Variants in FAM120A observed in about 807,000 individuals in gnomAD.
The protein encoded by FAM120A is family with sequence similarity 120 member A, also known as constitutive coactivator of PPAR-gamma-like protein 1.
A neutral mutation model predicts 109.7 loss-of-function variants in FAM120A; 15 were observed. That is an observed-to-expected ratio of 0.14 (90% CI 0.09 to 0.21). FAM120A has a LOEUF of 0.21. Among genes scored for constraint, FAM120A ranks in the 10% least tolerant of loss-of-function variants. FAM120A has a pLI of 1.00. For synonymous variants in FAM120A, 493 were observed against 572.8 expected (o/e 0.86, Z 1.99); for missense variants, 899 against 1,439.3 (o/e 0.62, Z 6.07).
chr9:93,484,825 C>T (rs141689000), intron 3 of FAM120A, among the ~76,000 whole-genome samples: 1,685 of 152,316 alleles, frequency 0.011, 12 homozygotes, highest in Non-Finnish European at 0.018. Context: ...CCACCCGCCT[C>T]GGCCTCCCCA....
In FAM120A at chr9:93,565,471, T is replaced by A. The variant is rs1244180626; in HGVS notation, c.*931T>A. The A allele has an allele frequency of 6.6e-6, 1 of 152,640 alleles. No individual in the cohort carries two copies. The highest frequency in any genetic ancestry group is 1.5e-5 in the Non-Finnish European group (1 of 68,042). The allele number at this position is 152,640 out of a possible 1,614,324, so 9.5% of individuals were successfully genotyped here. The stretch of plus-strand genomic sequence containing the variant: ...ATCAGTAATAGTCCTATAAAAGATG[T>A]TAACTCTGTTTAGTCATTGACTGAT... On this transcript the variant is annotated 3_prime_UTR_variant, in exon 18 of 18. Transcript: ENST00000277165.
chr9:93,464,812 C>T (rs918633619), intron 1 of FAM120A, among the ~76,000 whole-genome samples: 2 of 152,214 alleles, frequency 1.3e-5, no homozygotes, highest in African/African-American at 4.8e-5. Context: ...CTTTGAAGGG[C>T]TACCTGTAAG....
At chr9:93,529,913 G>T in intron 9 of FAM120A, 2 of 530,804 alleles carry the variant, frequency 3.8e-6, no homozygotes, top group Non-Finnish European at 6.6e-6. Context: ...CCATATTTGT[G>T]CTGTAATGTC....
At chr9:93,509,749 T>C (rs1588860072) in intron 5 of FAM120A, among the ~76,000 whole-genome samples, 1 of 152,170 alleles carries the variant, frequency 6.6e-6, no homozygotes, top group Non-Finnish European at 1.5e-5. Context: ...GAAGAAACAG[T>C]AGAATGAGTG....
At chr9:93,476,169 C>T in intron 2 of FAM120A, 87 bp from the exon 3 acceptor site, 1 of 827,990 alleles carries the variant, frequency 1.2e-6, no homozygotes, top group Non-Finnish European at 2.0e-6. Context: ...AAGTTTTCTA[C>T]TATAGGTGAC....
chr9:93,556,641 C>A, intron 13 of FAM120A, 50 bp downstream of exon 13: 1 of 1,522,954 alleles, frequency 6.6e-7, no homozygotes, highest in South Asian at 1.1e-5. Flanking sequence ...AAATAAAGCT[C>A]ACTGGTTAAA....
rs577236171 is a variant in FAM120A at position 93,482,132 on chromosome 9, T to C, written c.804+5794T>C. ...ATTATCTTTCCCTGAGGCACCCGTA[T>C]ACCGGGGGCAATCTATCAGGCTGTA... On this transcript the variant is annotated intron_variant, in intron 3 of 17. Coordinates refer to ENST00000277165, the MANE Select transcript of FAM120A (RefSeq NM_014612.5). Among the ~76,000 whole-genome samples the C allele has an allele frequency of 2.0e-5, 3 of 151,878 alleles. No individual in the cohort carries two copies. In the East Asian group the frequency reaches 5.8e-4, roughly 29 times the overall value.
intron 10 of FAM120A, among the ~76,000 whole-genome samples, chr9:93,541,802 G>C (rs1379577984): frequency 6.6e-6 from 1 of 152,218 alleles, no homozygotes; most frequent in African/African-American, 2.4e-5. Context: ...AGAGCCCTAT[G>C]AGGTCTTGAC....
At chr9:93,528,292 T>C (rs1861173892) in intron 8 of FAM120A, among the ~76,000 whole-genome samples, 1 of 152,212 alleles carries the variant, frequency 6.6e-6, no homozygotes, top group Non-Finnish European at 1.5e-5. Flanking sequence ...CTTTGTGTTT[T>C]AAAAAATAAA....
At position 93,471,105 on chromosome 9, in the gene FAM120A, C is replaced by G. The variant is rs748593975; in HGVS notation, c.475-36C>G. ...TATTGAGCTTGTTGCTACAGTGTTA[C>G]CCTACATCTGATGAAGTTTTTTTCT... is the stretch of plus-strand genomic sequence containing the variant. On this transcript the variant is annotated intron_variant, in intron 1 of 17. Coordinates refer to ENST00000277165, the MANE Select transcript of FAM120A (RefSeq NM_014612.5). 3.7e-6 allele frequency: 6 copies of G among 1,611,598 alleles called. No homozygotes were observed. The South Asian group carries it at 5.5e-5, about 15-fold the overall frequency.
intron 7 of FAM120A, among the ~76,000 whole-genome samples, chr9:93,524,934 G>A (rs529747062): frequency 3.3e-5 from 5 of 152,144 alleles, no homozygotes; most frequent in Non-Finnish European, 7.4e-5. Context: ...ATGGTTCCAG[G>A]TATCAGTTTA....
chr9:93,497,205 G>C (rs1467224850), intron 3 of FAM120A, among the ~76,000 whole-genome samples: 1 of 152,238 alleles, frequency 6.6e-6, no homozygotes, highest in Non-Finnish European at 1.5e-5. Flanking sequence ...AGAAGTGGTG[G>C]AAGACTGTCA....
At chr9:93,455,517 A>C (rs900032416) in intron 1 of FAM120A, among the ~76,000 whole-genome samples, 28 of 152,220 alleles carry the variant, frequency 1.8e-4, no homozygotes, top group African/African-American at 5.8e-4. Context: ...AGTAAAAACC[A>C]CTGGCAAAGG....
chr9:93,482,278 C>T (rs1435826867), intron 3 of FAM120A, among the ~76,000 whole-genome samples: 1 of 149,780 alleles, frequency 6.7e-6, no homozygotes, highest in African/African-American at 2.4e-5. Context: ...GCCTCTGCCT[C>T]CCGAGTTCAA....
At chr9:93,456,510 C>T (rs1857554518) in intron 1 of FAM120A, among the ~76,000 whole-genome samples, 1 of 152,164 alleles carries the variant, frequency 6.6e-6, no homozygotes, top group Non-Finnish European at 1.5e-5. Context: ...GATGGTCTCC[C>T]TTCATGTATA....
rs532474754 is a variant in FAM120A, at chr9:93,533,841, GT to G, written c.1909+1513del. Among the ~76,000 whole-genome samples the G allele has an allele frequency of 2.7e-3, 408 of 152,294 alleles. 2 individuals carry two copies. Among genetic ancestry groups the G allele is most frequent in the African/African-American group, 9.5e-3 (394 of 41,558 alleles). On this transcript the variant is annotated intron_variant, in intron 10 of 17. Transcript: ENST00000277165. Reference sequence around the variant, plus strand: ...TTCAGCGCACTGCAGTGGCTTCATGGTAGAAGGTATTCTTTTTTATTTGCTT... The same window carrying G: ...TTCAGCGCACTGCAGTGGCTTCATGGAGAAGGTATTCTTTTTTATTTGCTT...
At chr9:93,512,392 G>A (rs1860367170) in intron 5 of FAM120A, among the ~76,000 whole-genome samples, 1 of 152,212 alleles carries the variant, frequency 6.6e-6, no homozygotes, top group Non-Finnish European at 1.5e-5. Context: ...TCATACAGCC[G>A]AGGGATTGCA....
chr9:93,476,041 G>C (rs1163877948), intron 2 of FAM120A, among the ~76,000 whole-genome samples: 1 of 152,164 alleles, frequency 6.6e-6, no homozygotes, highest in Non-Finnish European at 1.5e-5. Context: ...TTCTTAGGTT[G>C]AATGCTGTTG....
chr9:93,474,448 T>A (rs906196402), intron 2 of FAM120A, among the ~76,000 whole-genome samples: 1 of 152,198 alleles, frequency 6.6e-6, no homozygotes, highest in African/African-American at 2.4e-5. Flanking sequence ...AGTATAGCTA[T>A]ATAAAGTATT....
Sources: gnomAD v4.1 joint callset for allele counts (sites outside exome capture counted in the v4.1 genomes callset) on GRCh38, gnomAD v4.1.1 for gene constraint, MANE v1.5 for transcripts, NCBI Gene and HGNC (gene_info 2026-07-23, HGNC 2026-07-21) for gene names.